The following ATP6V1B2 variants were observed in gnomAD, a reference collection of about 807,000 sequenced individuals.
The protein encoded by ATP6V1B2 is ATPase H+ transporting V1 subunit B2, also known as V-type proton ATPase subunit B, brain isoform.
A neutral mutation model predicts 66.7 loss-of-function variants in ATP6V1B2; 23 were observed. The observed-to-expected ratio is 0.34, with a 90% CI of 0.25 to 0.49. ATP6V1B2 has a LOEUF of 0.49. ATP6V1B2 is among the 20% of genes least tolerant of loss of function. The pLI is 0.99. For missense variants in ATP6V1B2, 478 were observed against 650.8 expected (o/e 0.73, Z 2.89); for synonymous variants, 278 against 236.7 (o/e 1.17, Z -1.60).
chr8:20,204,402 A>C (rs755766332), intron 1 of ATP6V1B2, 82 bp from the exon 2 acceptor site: 3 of 1,255,904 alleles, frequency 2.4e-6, no homozygotes, highest in Non-Finnish European at 3.4e-6. Flanking sequence ...ATAACGTAGA[A>C]AGGATTTTTG....
At chr8:20,216,878 T>A (rs2072859356) in intron 11 of ATP6V1B2, 1 of 255,474 alleles carries the variant, frequency 3.9e-6, no homozygotes, top group African/African-American at 2.2e-5. Context: ...TTTTTTTTAT[T>A]TTGTGTATAA....
intron 1 of ATP6V1B2, among the ~76,000 whole-genome samples, chr8:20,198,852 T>C (rs1350855749): frequency 6.6e-6 from 1 of 152,230 alleles, no homozygotes; most frequent in Non-Finnish European, 1.5e-5. Flanking sequence ...AAAATGTATG[T>C]TGGGACTTAT....
At chr8:20,218,508 T>G (rs2072876717) in intron 13 of ATP6V1B2, among the ~76,000 whole-genome samples, 1 of 152,130 alleles carries the variant, frequency 6.6e-6, no homozygotes, top group South Asian at 2.1e-4. Flanking sequence ...ATCTCACTGT[T>G]TTCCTTCTTC....
In ATP6V1B2 at chr8:20,197,448, A is replaced by T. The variant is rs1230085602; in HGVS notation, c.42A>T (p.Ala14=). Residue 14 remains alanine, a synonymous_variant, in exon 1 of 14, where the codon GCA becomes GCT. Coordinates refer to ENST00000276390, the MANE Select transcript of ATP6V1B2 (RefSeq NM_001693.4). ...RAMRGIVNGA[A]PELPVPTGGP... is the part of the protein sequence containing the mutation. ...TGCGGGGGATTGTCAACGGGGCCGC[A>T]CCCGAGCTACCCGTGCCCACCGGTG... 2 of 1,538,076 alleles carry T rather than the reference A, an allele frequency of 1.3e-6. No homozygotes were observed. The highest frequency in any genetic ancestry group is 1.4e-5 in the African/African-American group (1 of 70,188).
At chr8:20,218,112 G>T in intron 12 of ATP6V1B2, 41 bp from the exon 13 acceptor site, 2 of 1,601,572 alleles carry the variant, frequency 1.2e-6, no homozygotes, top group South Asian at 2.2e-5. Context: ...TGAACATTTT[G>T]AGAGCTTCTC....
intron 1 of ATP6V1B2, among the ~76,000 whole-genome samples, chr8:20,199,229 CA>C (rs1475624480): frequency 3.9e-5 from 6 of 152,206 alleles, no homozygotes; most frequent in African/African-American, 1.2e-4. Context: ...TTATTCTTGA[CA>C]AAACTGTTGT....
chr8:20,204,883 C>T (rs1312046619), intron 2 of ATP6V1B2, among the ~76,000 whole-genome samples: 3 of 152,106 alleles, frequency 2.0e-5, no homozygotes, highest in Non-Finnish European at 4.4e-5. Context: ...CGTGTGACCC[C>T]TCTGGAAGTA....
chr8:20,219,500 C>T (rs1245923376), intron 13 of ATP6V1B2, among the ~76,000 whole-genome samples: 2 of 152,184 alleles, frequency 1.3e-5, no homozygotes, highest in Non-Finnish European at 2.9e-5. Flanking sequence ...ACTCTCTTAA[C>T]ATCGGTGGTT....
intron 3 of ATP6V1B2, among the ~76,000 whole-genome samples, 163 bp from the exon 4 acceptor site, chr8:20,210,183 G>T (rs1198320014): frequency 6.6e-6 from 1 of 151,276 alleles, no homozygotes; most frequent in Admixed American, 6.6e-5. Flanking sequence ...TTGATCTAAA[G>T]GTTGACAATT....
intron 10 of ATP6V1B2, chr8:20,215,541 G>GT (rs1321135698): frequency 6.6e-6 from 1 of 152,218 alleles, no homozygotes; most frequent in Non-Finnish European, 1.5e-5. Context: ...ACAAAATATG[G>GT]TAAGTTATTA....
chr8:20,197,629 G>A, intron 1 of ATP6V1B2, 87 bp downstream of exon 1: 1 of 1,277,020 alleles, frequency 7.8e-7, no homozygotes, highest in Non-Finnish European at 1.0e-6. Context: ...AGCGGGTAGG[G>A]GGTAGGATTT....
At chr8:20,209,649 AC>A in intron 3 of ATP6V1B2, 118 bp downstream of exon 3, 2 of 959,520 alleles carry the variant, frequency 2.1e-6, no homozygotes, top group Non-Finnish European at 3.2e-6. Context: ...GAGATTGGTT[AC>A]CGGCTGCAGG....
rs186611441 is a variant in ATP6V1B2, at chr8:20,209,268, G to A, written c.193-165G>A. Among the ~76,000 whole-genome samples the A allele has an allele frequency of 4.6e-5, 7 of 152,258 alleles. No homozygotes were observed. The East Asian group carries it at 1.2e-3, about 25-fold the overall frequency. ...TATGTGACAGTGATGTTTGCTGTAA[G>A]GACTTAAACTACCTGAGGGTATTGA... On this transcript the variant is annotated intron_variant, in intron 2 of 13. Coordinates refer to ENST00000276390, the MANE Select transcript of ATP6V1B2 (RefSeq NM_001693.4).
chr8:20,198,915 A>G (rs1029166828), intron 1 of ATP6V1B2, among the ~76,000 whole-genome samples: 1 of 152,240 alleles, frequency 6.6e-6, no homozygotes, highest in Non-Finnish European at 1.5e-5. Flanking sequence ...TTCTTATGCA[A>G]ACCTTGGCAA....
intron 2 of ATP6V1B2, among the ~76,000 whole-genome samples, chr8:20,204,828 A>G (rs2072721774): frequency 6.6e-6 from 1 of 152,152 alleles, no homozygotes; most frequent in African/African-American, 2.4e-5. Flanking sequence ...AGAGGCATAC[A>G]ATTACTAGTT....
At chr8:20,197,628 G>T (rs540493665) in intron 1 of ATP6V1B2, 86 bp downstream of exon 1, 6 of 1,277,246 alleles carry the variant, frequency 4.7e-6, no homozygotes, top group Non-Finnish European at 3.0e-6. Context: ...CAGCGGGTAG[G>T]GGGTAGGATT....
At chr8:20,199,999 TG>T (rs2072668906) in intron 1 of ATP6V1B2, among the ~76,000 whole-genome samples, 3 of 67,842 alleles carry the variant, frequency 4.4e-5, no homozygotes, top group African/African-American at 2.4e-4. Context: ...AGTTATTGTG[TG>T]TGTGTGTGTG....
intron 1 of ATP6V1B2, chr8:20,204,059 T>G (rs780037783): frequency 2.2e-6 from 1 of 450,684 alleles, no homozygotes; most frequent in Non-Finnish European, 4.4e-6. Context: ...GCGTCCTCTA[T>G]AAAGTTTTTA....
chr8:20,217,477 A>C (rs1262863296), intron 12 of ATP6V1B2, among the ~76,000 whole-genome samples, 153 bp downstream of exon 12: 1 of 152,244 alleles, frequency 6.6e-6, no homozygotes, highest in East Asian at 1.9e-4. Flanking sequence ...ATTCATTAGA[A>C]CCAAAGCAGC....
Sources: allele counts gnomAD v4.1 joint callset (sites outside exome capture counted in the v4.1 genomes callset), GRCh38; gene constraint gnomAD v4.1.1; transcripts MANE v1.5; gene names NCBI Gene and HGNC (gene_info 2026-07-23, HGNC 2026-07-21).